Variants in ACVR1B observed in about 807,000 individuals in gnomAD.
ACVR1B encodes the protein activin A receptor type 1B.
A neutral mutation model predicts 55.6 loss-of-function variants in ACVR1B; 15 were observed. The observed-to-expected ratio is 0.27, with a 90% CI of 0.18 to 0.42. The LOEUF (loss-of-function observed/expected upper bound fraction) is 0.42, where lower values mean the gene tolerates loss of function less well. Among genes scored for constraint, ACVR1B ranks in the 10% least tolerant of loss-of-function variants. ACVR1B has a pLI of 1.00. For synonymous variants in ACVR1B, 247 were observed against 254.6 expected, an observed-to-expected ratio of 0.97 and a Z score of 0.28; for missense variants, 359 against 670.1, an observed-to-expected ratio of 0.54 and a Z score of 5.13.
intron 1 of ACVR1B, among the ~76,000 whole-genome samples, chr12:51,965,841 C>G (rs569164477): frequency 2.0e-5 from 3 of 152,286 alleles, no homozygotes; most frequent in South Asian, 4.1e-4. Context: ...AGTCTTAGAA[C>G]TACTTAAGGA....
Position 51,992,006 on chromosome 12 carries a change from C to T in ACVR1B, c.1392+13C>T. ...GCAGAGTTATGAGGTAAGAAGCTGG[C>T]CTCCTGCGGCTTTCCCATCAGCCTG... is the stretch of plus-strand genomic sequence containing the variant. On this transcript the variant is annotated intron_variant, in intron 8 of 8. Coordinates refer to ENST00000257963, the MANE Select transcript of ACVR1B (RefSeq NM_004302.5). 1 of 1,614,224 alleles carries T rather than the reference C, an allele frequency of 6.2e-7. No homozygotes were observed. Among genetic ancestry groups the T allele is most frequent in the Non-Finnish European group, 8.5e-7 (1 of 1,180,034 alleles).
chr12:51,952,659 G>A (rs1941324936), intron 1 of ACVR1B, among the ~76,000 whole-genome samples: 1 of 152,138 alleles, frequency 6.6e-6, no homozygotes, highest in African/African-American at 2.4e-5. Flanking sequence ...ACCCCGGGGG[G>A]CCCATTCAGT....
intron 4 of ACVR1B, among the ~76,000 whole-genome samples, chr12:51,983,491 A>G (rs1942019169): frequency 6.6e-6 from 1 of 152,200 alleles, no homozygotes; most frequent in Admixed American, 6.5e-5. Context: ...CTGAAAAGAA[A>G]CATTACAGAT....
chr12:51,958,814 G>T (rs773152879), intron 1 of ACVR1B, among the ~76,000 whole-genome samples: 1 of 152,160 alleles, frequency 6.6e-6, no homozygotes, highest in Non-Finnish European at 1.5e-5. Flanking sequence ...TCAGGTACCC[G>T]CCTGCCACTT....
intron 1 of ACVR1B, among the ~76,000 whole-genome samples, chr12:51,958,558 G>A (rs746672911): frequency 6.6e-6 from 1 of 151,166 alleles, no homozygotes; most frequent in African/African-American, 2.4e-5. Flanking sequence ...TGAGGCAGGA[G>A]AATAGCTTGA....
chr12:51,982,725 T>C (rs1027226983), intron 4 of ACVR1B: 24 of 1,533,866 alleles, frequency 1.6e-5, no homozygotes, highest in Non-Finnish European at 2.0e-5. Context: ...GAAGTTGTAA[T>C]GGTCTCTGCT....
intron 1 of ACVR1B, among the ~76,000 whole-genome samples, chr12:51,972,773 C>A (rs778570920): frequency 1.0e-3 from 152 of 152,254 alleles, no homozygotes; most frequent in South Asian, 2.1e-3. Context: ...TAAAATATAT[C>A]TTTTTCAGAC....
intron 3 of ACVR1B, among the ~76,000 whole-genome samples, chr12:51,979,336 G>A (rs1474169074): frequency 6.0e-5 from 9 of 149,758 alleles, no homozygotes; most frequent in African/African-American, 2.0e-4. Flanking sequence ...GTGTGGTGGC[G>A]GGCACCTGTA....
intron 1 of ACVR1B, among the ~76,000 whole-genome samples, chr12:51,967,994 G>A (rs778440527): frequency 6.6e-6 from 1 of 152,244 alleles, no homozygotes; most frequent in African/African-American, 2.4e-5. Flanking sequence ...CAGCACTTTG[G>A]GAGGCTGAGG....
At chr12:51,990,567 C>T (rs1056816410) in intron 7 of ACVR1B, among the ~76,000 whole-genome samples, 3 of 152,020 alleles carry the variant, frequency 2.0e-5, no homozygotes, top group African/African-American at 4.8e-5. Context: ...CCTTCCACCT[C>T]GGCCTCCCAA....
At chr12:51,968,233 C>CA (rs1035284433) in intron 1 of ACVR1B, among the ~76,000 whole-genome samples, 9 of 150,292 alleles carry the variant, frequency 6.0e-5, no homozygotes, top group African/African-American at 1.7e-4. Context: ...AACTGCATCT[C>CA]AAAAAAAAAG....
At chr12:51,962,013 T>A (rs915610448) in intron 1 of ACVR1B, among the ~76,000 whole-genome samples, 1 of 152,224 alleles carries the variant, frequency 6.6e-6, no homozygotes, top group African/African-American at 2.4e-5. Flanking sequence ...ACAGGTCTCC[T>A]TAGCATAAAC....
intron 3 of ACVR1B, among the ~76,000 whole-genome samples, chr12:51,977,805 T>G (rs979809998): frequency 1.3e-5 from 2 of 150,100 alleles, no homozygotes; most frequent in Non-Finnish European, 3.0e-5. Flanking sequence ...TTTTTTTTTT[T>G]TGTGGAAGGT....
intron 8 of ACVR1B, among the ~76,000 whole-genome samples, chr12:51,992,680 G>C (rs1396772583): frequency 6.6e-6 from 1 of 152,216 alleles, no homozygotes; most frequent in Non-Finnish European, 1.5e-5. Context: ...CCTGAGACCA[G>C]ACAGAGGAGG....
chr12:51,987,789 A>G (rs1309380312), intron 7 of ACVR1B: 1 of 152,544 alleles, frequency 6.6e-6, no homozygotes, highest in Non-Finnish European at 1.5e-5. Context: ...TGATAGCACC[A>G]CAGGGTGACT....
chr12:51,984,295 T>A, intron 5 of ACVR1B, 129 bp downstream of exon 5: 1 of 1,124,744 alleles, frequency 8.9e-7, no homozygotes. Flanking sequence ...TAGTTTAATT[T>A]AAAGGAAAGG....
At chr12:51,963,143 T>C (rs563361606) in intron 1 of ACVR1B, among the ~76,000 whole-genome samples, 11 of 152,338 alleles carry the variant, frequency 7.2e-5, no homozygotes, top group Non-Finnish European at 1.5e-4. Flanking sequence ...TAACATAAAA[T>C]GTACTATTTT....
At chr12:51,954,871 CTTT>C (rs1941378062) in intron 1 of ACVR1B, among the ~76,000 whole-genome samples, 1 of 152,226 alleles carries the variant, frequency 6.6e-6, no homozygotes, top group East Asian at 1.9e-4. Context: ...TGCTGGGTTA[CTTT>C]TTTATCTTAA....
At chr12:51,965,951 A>T (rs933018011) in intron 1 of ACVR1B, among the ~76,000 whole-genome samples, 1 of 152,104 alleles carries the variant, frequency 6.6e-6, no homozygotes, top group Non-Finnish European at 1.5e-5. Flanking sequence ...TAGACTAAAG[A>T]TGTGTGTGTG....
Sources: gnomAD v4.1 joint callset for allele counts (sites outside exome capture counted in the v4.1 genomes callset) on GRCh38, gnomAD v4.1.1 for gene constraint, MANE v1.5 for transcripts, NCBI Gene and HGNC (gene_info 2026-07-23, HGNC 2026-07-21) for gene names.